The following CHD1 variants were observed in gnomAD, a reference collection of about 807,000 sequenced individuals.
The protein encoded by CHD1 is chromodomain helicase DNA binding protein 1.
A neutral mutation model predicts 224.2 loss-of-function variants in CHD1; 36 were observed. The observed-to-expected ratio is 0.16, with a 90% CI of 0.12 to 0.21. The LOEUF is 0.21. CHD1 is among the 10% of genes least tolerant of loss of function. The pLI is 1.00. For missense variants in CHD1, 1,378 were observed against 1,994.8 expected (o/e 0.69, Z 5.89); for synonymous variants, 668 against 658.3 (o/e 1.01, Z -0.23).
intron 32 of CHD1, 94 bp downstream of exon 32, chr5:98,863,314 T>G: frequency 1.5e-6 from 1 of 678,096 alleles, no homozygotes; most frequent in Non-Finnish European, 2.2e-6. Context: ...AATTATCTTG[T>G]TACCTAAACT....
rs1750225514 is a variant in CHD1 at position 98,881,967 on chromosome 5, G to A, written c.2867+8C>T. ...AAAATGACATTTTTTTAATAATCAA[G>A]TAACCACCTTGATGGGGCAGAACCT... On this transcript the variant is annotated splice_region_variant and intron_variant, in intron 20 of 35. Transcript: ENST00000614616. 2 of 1,607,186 alleles carry A rather than the reference G, an allele frequency of 1.2e-6. No homozygotes were observed. Among genetic ancestry groups the A allele is most frequent in the Non-Finnish European group, 1.7e-6 (2 of 1,177,118 alleles).
intron 33 of CHD1, among the ~76,000 whole-genome samples, chr5:98,859,579 AAC>A (rs1398954525): frequency 6.6e-6 from 1 of 152,108 alleles, no homozygotes; most frequent in East Asian, 1.9e-4. Flanking sequence ...TTCACATAAT[AAC>A]ACATATATTT....
intron 34 of CHD1, 141 bp from the exon 35 acceptor site, chr5:98,858,531 A>G (rs1748218325): frequency 4.6e-6 from 3 of 648,902 alleles, no homozygotes; most frequent in Non-Finnish European, 8.0e-6. Context: ...AGCATTTAGA[A>G]ATGGTGTATA....
At chr5:98,883,262 T>C (rs1750330380) in intron 18 of CHD1, 25 bp from the exon 19 acceptor site, 1 of 1,526,212 alleles carries the variant, frequency 6.6e-7, no homozygotes, top group Non-Finnish European at 8.8e-7. Context: ...ATAATCAAAA[T>C]GAAAAATTTT....
chr5:98,908,160 T>C (rs951636434), intron 2 of CHD1, among the ~76,000 whole-genome samples: 3 of 152,154 alleles, frequency 2.0e-5, no homozygotes, highest in Admixed American at 1.3e-4. Context: ...CTCACTTAAA[T>C]CCCTAAGTTC....
In CHD1 at chr5:98,868,546, T is replaced by C. The variant is rs373556965; in HGVS notation, c.4197A>G (p.Pro1399=). ...APVHITASGE[P]VPISEESEEL... is the part of the protein sequence containing the mutation. ...CTTCAGATTCTTCAGAAATGGGAACTGGTTCACCACTTGCCGTGATATGAA... is the reference window on the plus strand; with the variant it reads ...CTTCAGATTCTTCAGAAATGGGAACCGGTTCACCACTTGCCGTGATATGAA... Residue 1399 remains proline, a synonymous_variant, in exon 31 of 36, where the codon CCA becomes CCG. Coordinates refer to ENST00000614616, the MANE Select transcript of CHD1 (RefSeq NM_001270.4). 8 of 1,612,826 alleles carry C rather than the reference T, an allele frequency of 5.0e-6. No homozygotes were observed. Among genetic ancestry groups the C allele is most frequent in the Non-Finnish European group, 6.8e-6 (8 of 1,179,742 alleles).
At position 98,891,808 on chromosome 5, in the gene CHD1, C is replaced by T. The variant is rs139560848; in HGVS notation, c.2180+717G>A. On this transcript the variant is annotated intron_variant, in intron 15 of 35. Transcript: ENST00000614616. ...CCTGGAGTACAAAGGGAGACTCCGTCTCAAAAAACAAACAAACAAAAAAAA... is the reference window on the plus strand; with the variant it reads ...CCTGGAGTACAAAGGGAGACTCCGTTTCAAAAAACAAACAAACAAAAAAAA... Among the ~76,000 whole-genome samples, 736 of 152,096 alleles carry T rather than the reference C, an allele frequency of 4.8e-3. 4 individuals carry two copies. The highest frequency in any genetic ancestry group is 7.7e-3 in the Non-Finnish European group (526 of 67,996).
At chr5:98,880,408 A>G (rs1303811766) in intron 22 of CHD1, among the ~76,000 whole-genome samples, 9 of 152,236 alleles carry the variant, frequency 5.9e-5, no homozygotes, top group Non-Finnish European at 1.2e-4. Flanking sequence ...TTAAAATTAT[A>G]AAAGTTTTTT....
At chr5:98,873,568 T>C in intron 26 of CHD1, 25 bp downstream of exon 26, 1 of 1,533,006 alleles carries the variant, frequency 6.5e-7, no homozygotes, top group South Asian at 1.3e-5. Context: ...ACTTCTCTTT[T>C]AAATCACTCT....
intron 22 of CHD1, 147 bp from the exon 23 acceptor site, chr5:98,879,875 C>G (rs979439210): frequency 5.4e-6 from 3 of 558,814 alleles, no homozygotes; most frequent in South Asian, 5.0e-5. Flanking sequence ...AACCTAGATT[C>G]ATTTCTTCAT....
intron 2 of CHD1, among the ~76,000 whole-genome samples, chr5:98,919,503 T>C (rs896726937): frequency 6.6e-6 from 1 of 152,332 alleles, no homozygotes; most frequent in East Asian, 1.9e-4. Flanking sequence ...AAACACCGTA[T>C]TTTAGTTGCG....
At chr5:98,910,270 T>G (rs1752305648) in intron 2 of CHD1, among the ~76,000 whole-genome samples, 1 of 152,194 alleles carries the variant, frequency 6.6e-6, no homozygotes, top group Admixed American at 6.5e-5. Context: ...TATTTCAATT[T>G]TAATAGTTTC....
At position 98,885,565 on chromosome 5, in the gene CHD1, C is replaced by T; in HGVS notation, c.2568+13G>A. 6.7e-7 allele frequency: 1 copy of T among 1,498,458 alleles called. No individual in the cohort carries two copies. Among genetic ancestry groups the T allele is most frequent in the Non-Finnish European group, 9.2e-7 (1 of 1,087,590 alleles). 92.8% of individuals were successfully genotyped at this position (1,498,458 alleles called of 1,614,324 possible). ...TCAAAATTATTTATAATTTTAAAAG[C>T]ACTAATACATACCTCTGATCCCTCA... On this transcript the variant is annotated intron_variant, in intron 18 of 35. Coordinates refer to ENST00000614616, the MANE Select transcript of CHD1 (RefSeq NM_001270.4).
chr5:98,858,831 G>GT (rs1410465689), intron 34 of CHD1, 133 bp downstream of exon 34: 2 of 510,650 alleles, frequency 3.9e-6, no homozygotes, highest in African/African-American at 2.0e-5. Flanking sequence ...CAGAATTACT[G>GT]TATCTCCTTA....
intron 15 of CHD1, 133 bp from the exon 16 acceptor site, chr5:98,889,371 GTA>G: frequency 3.2e-6 from 2 of 628,556 alleles, no homozygotes; most frequent in South Asian, 4.9e-5. Context: ...ATTCACAGCT[GTA>G]TATACAACGG....
chr5:98,878,999 A>AG (rs1278072305), intron 23 of CHD1, among the ~76,000 whole-genome samples: 6 of 152,206 alleles, frequency 3.9e-5, no homozygotes, highest in Non-Finnish European at 8.8e-5. Context: ...TGGTAGGCCA[A>AG]GGCAGATGGA....
rs1188856578 is a variant in CHD1 at position 98,901,324 on chromosome 5, T to C, written c.449A>G (p.Gln150Arg). The C allele has an allele frequency of 6.2e-7, 1 of 1,605,330 alleles. No homozygotes were observed. Among genetic ancestry groups the C allele is most frequent in the Non-Finnish European group, 8.5e-7 (1 of 1,177,900 alleles). The change falls in exon 6 of 36, where the codon CAA (glutamine) becomes CGA (arginine). Residue 150 changes from glutamine to arginine, a missense_variant. Physicochemically the swap from Gln to Arg is conservative, Grantham distance 43. Transcript: ENST00000614616. ...AGATGGAGATCCTGACCCAGACATT[T>C]GCCAATCTTCACTGCAGACAAAATT... ...KRKKHKDEDW[Q>R]MSGSGSPSQS... is the part of the protein sequence containing the mutation.
chr5:98,895,544 G>A (rs1294576190), intron 12 of CHD1, among the ~76,000 whole-genome samples: 2 of 152,010 alleles, frequency 1.3e-5, no homozygotes, highest in Non-Finnish European at 2.9e-5. Flanking sequence ...CTTGAGGTCA[G>A]GAGTTTGAGA....
At chr5:98,911,667 A>T (rs1752432319) in intron 2 of CHD1, among the ~76,000 whole-genome samples, 1 of 152,238 alleles carries the variant, frequency 6.6e-6, no homozygotes, top group Admixed American at 6.5e-5. Context: ...TTTAGAAGAT[A>T]TATCATTACC....
Sources: gnomAD v4.1 joint callset for allele counts (sites outside exome capture counted in the v4.1 genomes callset) on GRCh38, gnomAD v4.1.1 for gene constraint, MANE v1.5 for transcripts, NCBI Gene and HGNC (gene_info 2026-07-23, HGNC 2026-07-21) for gene names.